Variants in GRIK5 observed in about 807,000 individuals in gnomAD.
GRIK5 encodes the protein glutamate ionotropic receptor kainate type subunit 5.
In GRIK5, 43 loss-of-function variants were observed where a neutral mutation model predicts 97.4. The ratio of observed to expected loss-of-function variants is 0.44; its 90% CI spans 0.35 to 0.57. GRIK5 has a LOEUF of 0.57. Among genes scored for constraint, GRIK5 ranks in the 20% least tolerant of loss-of-function variants. The probability of loss-of-function intolerance (pLI) is 0.01; values close to 1 mark genes in which losing one functional copy is unlikely to be tolerated. For synonymous variants in GRIK5, 580 were observed against 583.5 expected, an observed-to-expected ratio of 0.99 and a Z score of 0.09; for missense variants, 1,015 against 1,382.0, an observed-to-expected ratio of 0.73 and a Z score of 4.21.
intron 15 of GRIK5, among the ~76,000 whole-genome samples, chr19:42,017,282 G>A (rs1294301435): frequency 1.3e-5 from 2 of 152,188 alleles, no homozygotes; most frequent in Admixed American, 6.5e-5. Context: ...AGCAGGCGCC[G>A]ACTGTCGCAT....
At chr19:42,027,369 G>A (rs1273352343) in intron 12 of GRIK5, among the ~76,000 whole-genome samples, 1 of 152,236 alleles carries the variant, frequency 6.6e-6, no homozygotes, top group Non-Finnish European at 1.5e-5. Context: ...GTTCCAGGCT[G>A]AGTGATCAGC....
At position 42,002,190 on chromosome 19, in the gene GRIK5, G is replaced by A. The variant is rs1410571309; in HGVS notation, c.2514+1142C>T. ...GACCGATGCCAGACTGGAGTGGGGG[G>A]CAAGAGGAAATGGGAGGAAAGAAGA... is the stretch of plus-strand genomic sequence containing the variant. On this transcript the variant is annotated intron_variant, in intron 19 of 19. Coordinates refer to ENST00000593562, the MANE Select transcript of GRIK5 (RefSeq NM_002088.5). The surrounding 1 kb of genome is among the most constrained non-coding windows in gnomAD (Gnocchi z 5.2). 1.4e-6 allele frequency: 1 copy of A among 717,530 alleles called. No homozygotes were observed. The highest frequency in any genetic ancestry group is 2.6e-6 in the Non-Finnish European group (1 of 385,146). The allele number at this position is 717,530 out of a possible 1,614,324, so 44.4% of individuals were successfully genotyped here.
intron 1 of GRIK5, chr19:42,068,824 T>TA: frequency 1.6e-6 from 1 of 644,674 alleles, no homozygotes; most frequent in Non-Finnish European, 2.8e-6. Context: ...ATCCAGGAGA[T>TA]AGAGACTGGA....
At chr19:42,055,141 C>T (rs1480570440) in intron 8 of GRIK5, among the ~76,000 whole-genome samples, 1 of 152,236 alleles carries the variant, frequency 6.6e-6, no homozygotes, top group Non-Finnish European at 1.5e-5. Flanking sequence ...GTGCCTGGCA[C>T]ACAGTTAGCG....
chr19:41,999,346 G>A lies in GRIK5; in HGVS notation c.2515-47C>T. The A allele has an allele frequency of 7.3e-7, 1 of 1,373,140 alleles. No individual in the cohort carries two copies. Among genetic ancestry groups the A allele is most frequent in the Non-Finnish European group, 9.7e-7 (1 of 1,033,510 alleles). The allele number at this position is 1,373,140 out of a possible 1,614,324, so 85.1% of individuals were successfully genotyped here. A position where few individuals can be genotyped will look rare whatever the true frequency, so the allele number is the denominator to read the frequency against. ...ACCGTCCCGGCGCAGTCCGCCTCCC[G>A]CCTCCCCCAGCCCCTCTCCACATCC... is the stretch of plus-strand genomic sequence containing the variant. On this transcript the variant is annotated intron_variant, in intron 19 of 19. Transcript: ENST00000593562. The surrounding 1 kb of genome is among the most constrained non-coding windows in gnomAD (Gnocchi z 5.0).
intron 15 of GRIK5, among the ~76,000 whole-genome samples, chr19:42,010,118 T>C (rs926655176): frequency 6.8e-6 from 1 of 147,822 alleles, no homozygotes; most frequent in Non-Finnish European, 1.5e-5. Context: ...ATAGAATCTA[T>C]CCAAAATAAA....
intron 12 of GRIK5, among the ~76,000 whole-genome samples, chr19:42,039,763 TA>T (rs1201654413): frequency 6.6e-6 from 1 of 152,138 alleles, no homozygotes; most frequent in Non-Finnish European, 1.5e-5. Context: ...GAGGATTGCT[TA>T]AGCCCAGGAG....
In GRIK5 at chr19:41,999,610, C is replaced by T. The variant is rs1399288571; in HGVS notation, c.2515-311G>A. Among the ~76,000 whole-genome samples, 2 of 152,202 alleles carry T rather than the reference C, an allele frequency of 1.3e-5. No homozygotes were observed. The highest frequency in any genetic ancestry group is 2.9e-5 in the Non-Finnish European group (2 of 68,034). On this transcript the variant is annotated intron_variant, in intron 19 of 19. Coordinates refer to ENST00000593562, the MANE Select transcript of GRIK5 (RefSeq NM_002088.5). This position sits in a 1 kb window ranked among gnomAD's most constrained non-coding sequence, Gnocchi z 5.0. ...GTCTCTAAATTTTCTCCAGTTCTTCCTTCCTGATTTCCCATCTTCTGCCCC... is the reference window on the plus strand; with the variant it reads ...GTCTCTAAATTTTCTCCAGTTCTTCTTTCCTGATTTCCCATCTTCTGCCCC...
At chr19:42,013,844 A>G (rs1016457867) in intron 15 of GRIK5, among the ~76,000 whole-genome samples, 1 of 152,110 alleles carries the variant, frequency 6.6e-6, no homozygotes, top group African/African-American at 2.4e-5. Flanking sequence ...CCTGGGCAAC[A>G]CAGTGAGACT....
intron 11 of GRIK5, among the ~76,000 whole-genome samples, chr19:42,047,479 T>A (rs2076056923): frequency 6.6e-6 from 1 of 152,104 alleles, no homozygotes; most frequent in Non-Finnish European, 1.5e-5. Flanking sequence ...TGCCAAATGT[T>A]AACACTTAAT....
chr19:42,048,407 G>A (rs1048330167), intron 11 of GRIK5, among the ~76,000 whole-genome samples: 39 of 152,064 alleles, frequency 2.6e-4, no homozygotes, highest in African/African-American at 8.0e-4. Context: ...AGATCACGAG[G>A]TCAGGAGATC....
In GRIK5 at chr19:42,056,982, G is replaced by C. The variant is rs550282432; in HGVS notation, c.688-4C>G. On this transcript the variant is annotated splice_region_variant and splice_polypyrimidine_tract_variant and intron_variant, in intron 6 of 19. Transcript: ENST00000593562. ...AGGTCATTCCCAGTTCCGAGGCCTG[G>C]AAAACACAGGAGGCAAAGAGGCAGA... 6.4e-6 allele frequency: 10 copies of C among 1,552,546 alleles called. No individual in the cohort carries two copies. The South Asian group carries it at 1.1e-4, about 17-fold the overall frequency.
At position 42,065,554 on chromosome 19, in the gene GRIK5, G is replaced by T; in HGVS notation, c.79+138C>A. On this transcript the variant is annotated intron_variant, in intron 2 of 19. Coordinates refer to ENST00000593562, the MANE Select transcript of GRIK5 (RefSeq NM_002088.5). This position sits in a 1 kb window ranked among gnomAD's most constrained non-coding sequence, Gnocchi z 5.8. ...AGGGGTCTGGACTCCTGGGTCCTGG[G>T]GGAAGGAGGAACTGGAGGCTGGGAT... 1 of 980,964 alleles carries T rather than the reference G, an allele frequency of 1.0e-6. No individual in the cohort carries two copies. The highest frequency in any genetic ancestry group is 1.5e-6 in the Non-Finnish European group (1 of 665,170). 60.8% of individuals were successfully genotyped at this position (980,964 alleles called of 1,614,324 possible). A position where few individuals can be genotyped will look rare whatever the true frequency, so the allele number is the denominator to read the frequency against.
At position 42,069,549 on chromosome 19, in the gene GRIK5, GGA is replaced by G. The variant is rs1172288237; in HGVS notation, c.-361_-360del. ...TGGAGGGGAAGGAGGGAGGAAAGGA[GGA>G]GAGGAAGGTGAAAACGGAAGGGGGG... On this transcript the variant is annotated 5_prime_UTR_variant, in exon 1 of 20. Transcript: ENST00000593562. 1 of 143,056 alleles carries G rather than the reference GGA, an allele frequency of 7.0e-6. No individual in the cohort carries two copies. The highest frequency in any genetic ancestry group is 2.6e-5 in the African/African-American group (1 of 39,180). The allele number at this position is 143,056 out of a possible 1,614,324, so 8.9% of individuals were successfully genotyped here. A position where few individuals can be genotyped will look rare whatever the true frequency, so the allele number is the denominator to read the frequency against.
intron 3 of GRIK5, among the ~76,000 whole-genome samples, chr19:42,064,777 T>C (rs2076306970): frequency 6.6e-6 from 1 of 152,148 alleles, no homozygotes; most frequent in Non-Finnish European, 1.5e-5. Flanking sequence ...CATAGACACT[T>C]CCACACCCCT....
intron 10 of GRIK5, 21 bp downstream of exon 10, chr19:42,053,804 C>T (rs201187037): frequency 2.5e-4 from 402 of 1,583,552 alleles, no homozygotes; most frequent in Non-Finnish European, 3.4e-4. Context: ...AGGGCTCTGG[C>T]GTCACCCTGG....
chr19:42,044,515 A>G (rs2076019251), intron 11 of GRIK5, among the ~76,000 whole-genome samples: 1 of 152,232 alleles, frequency 6.6e-6, no homozygotes, highest in African/African-American at 2.4e-5. Context: ...TAGGAAAACA[A>G]GGCATGTGAT....
rs1013446402 is a variant in GRIK5, at chr19:42,069,974, G to T, written c.-784C>A. The stretch of plus-strand genomic sequence containing the variant: ...AGAGGAGGATGGAGAGGAGCAGGTG[G>T]AAGAGAAAGGCGGAGGAGGGTGGGG... On this transcript the variant is annotated 5_prime_UTR_variant, in exon 1 of 20. Transcript: ENST00000593562. Among the ~76,000 whole-genome samples, 1 of 152,066 alleles carries T rather than the reference G, an allele frequency of 6.6e-6. No homozygotes were observed. The highest frequency in any genetic ancestry group is 1.5e-5 in the Non-Finnish European group (1 of 67,976).
chr19:42,069,120 G>C lies in GRIK5; in HGVS notation c.-51+121C>G, dbSNP rs2076386642. On this transcript the variant is annotated intron_variant, in intron 1 of 19. Transcript: ENST00000593562. Reference sequence around the variant, plus strand: ...GAGGGCGCAGAGCAGGCCCCTAGTGGGGGAGGGTACTTGCCAGTCCGGAGA... The same window carrying C: ...GAGGGCGCAGAGCAGGCCCCTAGTGCGGGAGGGTACTTGCCAGTCCGGAGA... 6 of 423,928 alleles carry C rather than the reference G, an allele frequency of 1.4e-5. No homozygotes were observed. In the East Asian group the frequency reaches 2.1e-4, roughly 15 times the overall value. 26.3% of individuals were successfully genotyped at this position (423,928 alleles called of 1,614,324 possible). A position where few individuals can be genotyped will look rare whatever the true frequency, so the allele number is the denominator to read the frequency against.
Sources: allele counts gnomAD v4.1 joint callset (sites outside exome capture counted in the v4.1 genomes callset), GRCh38; gene constraint gnomAD v4.1.1; non-coding constraint Gnocchi (gnomAD v3.1); transcripts MANE v1.5; gene names NCBI Gene and HGNC (gene_info 2026-07-23, HGNC 2026-07-21).